Variants in CHFR observed in about 807,000 individuals in gnomAD.
CHFR encodes the protein checkpoint with forkhead and ring finger domains.
A neutral mutation model predicts 87.6 loss-of-function variants in CHFR; 57 were observed. The observed-to-expected ratio is 0.65, with a 90% confidence interval of 0.53 to 0.81. The LOEUF (loss-of-function observed/expected upper bound fraction) is 0.81. Ranked by LOEUF, CHFR falls within the 30% of genes least tolerant of loss-of-function variation. The pLI, the probability that CHFR is intolerant of heterozygous loss-of-function variation, is 0.00. For synonymous variants in CHFR, 381 were observed against 359.2 expected, an observed-to-expected ratio of 1.06 and a Z score of -0.69; for missense variants, 797 against 865.8, an observed-to-expected ratio of 0.92 and a Z score of 1.00.
intron 2 of CHFR, among the ~76,000 whole-genome samples, chr12:132,884,805 G>C (rs576391103): frequency 5.3e-5 from 8 of 152,224 alleles, no homozygotes; most frequent in African/African-American, 1.9e-4. Context: ...ATAAATTTCT[G>C]GCCAGGCACA....
At chr12:132,878,983 A>C (rs867586409) in intron 2 of CHFR, among the ~76,000 whole-genome samples, 1 of 148,660 alleles carries the variant, frequency 6.7e-6, no homozygotes, top group African/African-American at 2.5e-5. Flanking sequence ...TGTGATAGGC[A>C]TTTGTTTTTT....
At position 132,841,323 on chromosome 12, in the gene CHFR, G is replaced by C; in HGVS notation, c.*231C>G. ...TCGTCTCTGCTGCTGATGCCACCAC[G>C]AGCCCTGCCCAGCGCTCACCAGGAG... On this transcript the variant is annotated 3_prime_UTR_variant, in exon 18 of 18. Transcript: ENST00000450056. 1 of 478,548 alleles carries C rather than the reference G, an allele frequency of 2.1e-6. No homozygotes were observed. The highest frequency in any genetic ancestry group is 3.4e-5 in the South Asian group (1 of 29,086). 29.6% of individuals were successfully genotyped at this position (478,548 alleles called of 1,614,324 possible).
In CHFR at chr12:132,840,836, C is replaced by T. The variant is rs1339972650; in HGVS notation, c.*718G>A. On this transcript the variant is annotated 3_prime_UTR_variant, in exon 18 of 18. Transcript: ENST00000450056. Reference sequence around the variant, plus strand: ...CCTGCGTCCAGCCCCAGGCTCGGGGCCGCGGTCACTCACCGGTTAGCAAGG... The same window carrying T: ...CCTGCGTCCAGCCCCAGGCTCGGGGTCGCGGTCACTCACCGGTTAGCAAGG... 2.0e-5 allele frequency: 3 copies of T among 152,360 alleles called. No homozygotes were observed. Among genetic ancestry groups the T allele is most frequent in the African/African-American group, 7.2e-5 (3 of 41,460 alleles). 9.4% of individuals were successfully genotyped at this position (152,360 alleles called of 1,614,324 possible).
At chr12:132,847,508 C>A in intron 14 of CHFR, 1 of 1,087,288 alleles carries the variant, frequency 9.2e-7, no homozygotes, top group African/African-American at 1.6e-5. Flanking sequence ...GCCCTTCAAA[C>A]ACACACGAGC....
chr12:132,881,341 T>C (rs964988537), intron 2 of CHFR, among the ~76,000 whole-genome samples: 3 of 152,166 alleles, frequency 2.0e-5, no homozygotes, highest in African/African-American at 7.2e-5. Flanking sequence ...GTGGAAATAT[T>C]TGTAAAACAC....
At position 132,841,885 on chromosome 12, in the gene CHFR, T is replaced by C. The variant is rs375414850; in HGVS notation, c.1917-289A>G. ...ACTTTGGGAGGCCGAGGCGGGCGGA[T>C]CACTTGAGGTCAGGAGTTCGAGACC... On this transcript the variant is annotated intron_variant, in intron 17 of 17. Coordinates refer to ENST00000450056, the MANE Select transcript of CHFR (RefSeq NM_001161346.2). Among the ~76,000 whole-genome samples the C allele has an allele frequency of 1.2e-4, 19 of 152,144 alleles. No homozygotes were observed. The East Asian group carries it at 2.9e-3, about 23-fold the overall frequency.
At position 132,869,634 on chromosome 12, in the gene CHFR, G is replaced by A. The variant is rs1042155534; in HGVS notation, c.568C>T (p.Arg190Cys). ...STEPSPAGRE[R>C]SSSCGSGGGG... ...GTGACCTCACCACAACTGGAGGAACGCTCTCGCCCTGCAGGAGAAGGCTCC... is the reference window on the plus strand; with the variant it reads ...GTGACCTCACCACAACTGGAGGAACACTCTCGCCCTGCAGGAGAAGGCTCC... The change falls in exon 6 of 18, where the codon CGT becomes TGT. Residue 190 changes from arginine (R) to cysteine (C), a missense_variant. By Grantham distance (180) the Arg-to-Cys change is radical. Transcript: ENST00000450056. 9.7e-6 allele frequency: 15 copies of A among 1,551,440 alleles called. No homozygotes were observed. Among genetic ancestry groups the A allele is most frequent in the African/African-American group, 4.1e-5 (3 of 73,018 alleles).
chr12:132,856,652 G>A (rs761356222), intron 9 of CHFR, 22 bp from the exon 10 acceptor site: 13 of 1,611,510 alleles, frequency 8.1e-6, no homozygotes, highest in South Asian at 3.3e-5. Context: ...AGGACACAGC[G>A]CCATTCACCG....
At chr12:132,846,592 A>G (rs1950833631) in intron 15 of CHFR, among the ~76,000 whole-genome samples, 1 of 151,894 alleles carries the variant, frequency 6.6e-6, no homozygotes, top group African/African-American at 2.4e-5. Context: ...TCAAAAAACA[A>G]CCTGAAGGCC....
chr12:132,836,955 G>A lies in CHFR; in HGVS notation c.*4599C>T. ...GAGAGGGGGAGACAAACGGTAAACA[G>A]ATGTTTCCTTTCCGATAGTGACAGG... is the stretch of plus-strand genomic sequence containing the variant. On this transcript the variant is annotated 3_prime_UTR_variant, in exon 18 of 18. Transcript: ENST00000450056. The A allele has an allele frequency of 2.7e-6, 1 of 364,964 alleles. No homozygotes were observed. The highest frequency in any genetic ancestry group is 5.4e-6 in the Non-Finnish European group (1 of 185,258). The allele number at this position is 364,964 out of a possible 1,614,324, so 22.6% of individuals were successfully genotyped here. A position where few individuals can be genotyped will look rare whatever the true frequency, so the allele number is the denominator to read the frequency against.
chr12:132,849,208 C>CA (rs1223454113), intron 12 of CHFR: 1 of 153,968 alleles, frequency 6.5e-6, no homozygotes, highest in African/African-American at 2.4e-5. Context: ...CTCAGCCTCT[C>CA]AAAGCGCTAG....
chr12:132,862,404 G>T, intron 6 of CHFR: 2 of 446,550 alleles, frequency 4.5e-6, no homozygotes, highest in Non-Finnish European at 9.0e-6. Flanking sequence ...ACCAGCCTGG[G>T]CAACACAGCA....
Position 132,853,494 on chromosome 12 carries a change from C to G in CHFR, c.1309G>C (p.Gly437Arg). 1 of 1,534,414 alleles carries G rather than the reference C, an allele frequency of 6.5e-7. No homozygotes were observed. The highest frequency in any genetic ancestry group is 8.7e-7 in the Non-Finnish European group (1 of 1,146,642). Residue 437 changes from glycine (G) to arginine (R), a missense_variant, in exon 11 of 18, where the codon GGC (glycine) becomes CGC (arginine). By Grantham distance (125) the Gly-to-Arg change is moderately radical. Around this residue, in one of 2 missense-constraint regions of CHFR, gnomAD observed 597 missense variants for 601.2 expected, o/e 0.99. Transcript: ENST00000450056. Reference sequence around the variant, plus strand: ...AGGGCCTGTGGGGCTCCTGGCTCGCCCTCGGGTGCTGGGCAGTGGGGAGGC... The same window carrying G: ...AGGGCCTGTGGGGCTCCTGGCTCGCGCTCGGGTGCTGGGCAGTGGGGAGGC... The part of the protein sequence containing the change: ...AQPPHCPAPE[G>R]EPGAPQALGD...
chr12:132,882,153 A>G (rs1951784348), intron 2 of CHFR, among the ~76,000 whole-genome samples: 1 of 152,228 alleles, frequency 6.6e-6, no homozygotes, highest in South Asian at 2.1e-4. Context: ...ATGTCCATCC[A>G]CTGGTTGTAA....
At position 132,851,667 on chromosome 12, in the gene CHFR, G is replaced by C. The variant is rs781224248; in HGVS notation, c.1443C>G (p.Pro481=). Residue 481 remains proline (P), a synonymous_variant, in exon 12 of 18, where the codon CCC becomes CCG. Coordinates refer to ENST00000450056, the MANE Select transcript of CHFR (RefSeq NM_001161346.2). ...ALCTCCFQPM[P]DRRAEREQDP... is the part of the protein sequence containing the mutation. ...CCTGCTCGCGCTCCGCTCTCCGGTCGGGCATGGGCTGGAAGCAGCAGGTGC... is the reference window on the plus strand; with the variant it reads ...CCTGCTCGCGCTCCGCTCTCCGGTCCGGCATGGGCTGGAAGCAGCAGGTGC... 1.1e-5 allele frequency: 18 copies of C among 1,613,286 alleles called. No homozygotes were observed. Among genetic ancestry groups the C allele is most frequent in the East Asian group, 2.2e-5 (1 of 44,888 alleles).
Position 132,851,602 on chromosome 12 carries a change from TG to T in CHFR, c.1492+15del. On this transcript the variant is annotated intron_variant, in intron 12 of 17. Transcript: ENST00000450056. ...CAGATAGGAACCCGCCTGCGTGCGG[TG>T]GCGCGGGCACTCACACTGCTGAGGG... 6.3e-7 allele frequency: 1 copy of T among 1,598,476 alleles called. No individual in the cohort carries two copies. Among genetic ancestry groups the T allele is most frequent in the Non-Finnish European group, 8.5e-7 (1 of 1,171,578 alleles).
chr12:132,855,156 C>T (rs1951037868), intron 10 of CHFR: 2 of 150,344 alleles, frequency 1.3e-5, no homozygotes, highest in African/African-American at 4.9e-5. Flanking sequence ...ACGGGAGAAT[C>T]ACTTGAACCC....
intron 3 of CHFR, among the ~76,000 whole-genome samples, chr12:132,875,992 T>C (rs2137041555): frequency 6.6e-6 from 1 of 152,112 alleles, no homozygotes; most frequent in East Asian, 1.9e-4. Context: ...CTGGCCAGCA[T>C]GGTGAAATCC....
intron 7 of CHFR, among the ~76,000 whole-genome samples, chr12:132,861,163 T>C (rs777150024): frequency 6.6e-6 from 1 of 152,206 alleles, no homozygotes; most frequent in Non-Finnish European, 1.5e-5. Context: ...ATTACGGATA[T>C]GAACTACTGC....
Sources: allele counts gnomAD v4.1 joint callset (sites outside exome capture counted in the v4.1 genomes callset), GRCh38; gene constraint gnomAD v4.1.1; regional missense constraint gnomAD v4.1.1; transcripts MANE v1.5; gene names NCBI Gene and HGNC (gene_info 2026-07-23, HGNC 2026-07-21).